The following NOP58 variants were observed in gnomAD, a reference collection of about 807,000 sequenced individuals.
NOP58 encodes the protein nucleolar protein 58.
Under a neutral mutation model 71.2 loss-of-function variants are expected in NOP58, and 44 were observed. The ratio of observed to expected loss-of-function variants is 0.62; its 90% confidence interval spans 0.49 to 0.79. NOP58 has a LOEUF of 0.79. Among genes scored for constraint, NOP58 ranks in the 30% least tolerant of loss-of-function variants. The pLI is 0.00. For synonymous variants in NOP58, 228 were observed against 200.3 expected (o/e 1.14, Z -1.17); for missense variants, 538 against 620.2 (o/e 0.87, Z 1.41).
intron 2 of NOP58, chr2:202,276,361 CACTGTTTTAGGCAACTAGAAG>C (rs1559260449): frequency 1.1e-5 from 3 of 282,604 alleles, no homozygotes; most frequent in Non-Finnish European, 2.3e-5. Context: ...AAAAAGATGA[CACTGTTTTAGGCAACTAGAAG>C]ACTAGTTTTC....
chr2:202,303,622 G>C lies in NOP58; in HGVS notation c.*186G>C. ...GTTAACCTTATGTCATCATTTCTTA[G>C]AGTCTTTGATATACAAATAAAATTT... On this transcript the variant is annotated 3_prime_UTR_variant, in exon 15 of 15. Coordinates refer to ENST00000264279, the MANE Select transcript of NOP58 (RefSeq NM_015934.5). 1 of 616,360 alleles carries C rather than the reference G, an allele frequency of 1.6e-6. No individual in the cohort carries two copies. Among genetic ancestry groups the C allele is most frequent in the Non-Finnish European group, 2.5e-6 (1 of 402,982 alleles). 38.2% of individuals were successfully genotyped at this position (616,360 alleles called of 1,614,324 possible). A position where few individuals can be genotyped will look rare whatever the true frequency, so the allele number is the denominator to read the frequency against.
chr2:202,287,617 C>T (rs779041337), intron 5 of NOP58, 43 bp from the exon 6 acceptor site: 4 of 1,476,648 alleles, frequency 2.7e-6, no homozygotes, highest in Admixed American at 1.7e-5. Context: ...AAATGCTTTT[C>T]CTAGATGCTA....
At chr2:202,302,444 T>G (rs1400833966) in intron 13 of NOP58, among the ~76,000 whole-genome samples, 1 of 152,200 alleles carries the variant, frequency 6.6e-6, no homozygotes, top group African/African-American at 2.4e-5. Flanking sequence ...TAATGTGTGC[T>G]AAGCATTATA....
chr2:202,275,212 A>C, intron 2 of NOP58, 23 bp downstream of exon 2: 1 of 1,260,400 alleles, frequency 7.9e-7, no homozygotes, highest in South Asian at 1.3e-5. Flanking sequence ...GAAATCAATA[A>C]TTTAGCAGTT....
In NOP58 at chr2:202,265,835, C is replaced by A; in HGVS notation, c.-107C>A. ...TTGCGGGACGGCGAGCGCATTTGTG[C>A]TTTGCCCGCCGCGGCCTAGGAGGCC... On this transcript the variant is annotated 5_prime_UTR_variant, in exon 1 of 15. Transcript: ENST00000264279. 1 of 1,276,108 alleles carries A rather than the reference C, an allele frequency of 7.8e-7. No homozygotes were observed. Among genetic ancestry groups the A allele is most frequent in the Non-Finnish European group, 1.1e-6 (1 of 884,860 alleles). 79.0% of individuals were successfully genotyped at this position (1,276,108 alleles called of 1,614,324 possible).
chr2:202,272,112 G>C (rs1008527691), intron 1 of NOP58, among the ~76,000 whole-genome samples: 3 of 151,220 alleles, frequency 2.0e-5, no homozygotes, highest in Non-Finnish European at 4.4e-5. Context: ...ACTTAGATGA[G>C]TGACAAGATG....
Position 202,265,820 on chromosome 2 carries a change from G to A in NOP58, c.-122G>A, listed in dbSNP as rs538401517. On this transcript the variant is annotated 5_prime_UTR_variant, in exon 1 of 15. Transcript: ENST00000264279. ...GCGTGTTCTGATTCTTTGCGGGACG[G>A]CGAGCGCATTTGTGCTTTGCCCGCC... The A allele has an allele frequency of 2.0e-5, 20 of 1,004,910 alleles. No homozygotes were observed. The South Asian group carries it at 2.3e-4, about 12-fold the overall frequency. The allele number at this position is 1,004,910 out of a possible 1,614,324, so 62.2% of individuals were successfully genotyped here.
intron 3 of NOP58, among the ~76,000 whole-genome samples, chr2:202,278,725 T>C (rs1688650564): frequency 1.3e-5 from 2 of 152,164 alleles, no homozygotes; most frequent in South Asian, 4.1e-4. Flanking sequence ...AGCCAACTAT[T>C]TGGCGGTGTA....
Position 202,294,091 on chromosome 2 carries a change from G to T in NOP58, c.907+1188G>T, listed in dbSNP as rs373080179. 2.2e-4 allele frequency among the ~76,000 whole-genome samples: 34 copies of T among 151,436 alleles called. No individual in the cohort carries two copies. The East Asian group carries it at 5.3e-3, about 24-fold the overall frequency. On this transcript the variant is annotated intron_variant, in intron 9 of 14. Coordinates refer to ENST00000264279, the MANE Select transcript of NOP58 (RefSeq NM_015934.5). Reference sequence around the variant, plus strand: ...GCACTTTGAGAAGCTGAGGTGGGTGGGTCACCTGAGGTCAGGAGTTCGAGA... The same window carrying T: ...GCACTTTGAGAAGCTGAGGTGGGTGTGTCACCTGAGGTCAGGAGTTCGAGA...
At chr2:202,279,049 A>T (rs906532671) in intron 3 of NOP58, among the ~76,000 whole-genome samples, 1 of 152,214 alleles carries the variant, frequency 6.6e-6, no homozygotes, top group Non-Finnish European at 1.5e-5. Context: ...GAGAATTTTT[A>T]AAAAGATAGC....
intron 4 of NOP58, among the ~76,000 whole-genome samples, chr2:202,283,217 A>ATTATT (rs1184707560): frequency 6.6e-6 from 1 of 152,136 alleles, no homozygotes; most frequent in South Asian, 2.1e-4. Flanking sequence ...ATGCTGGCTA[A>ATTATT]TTATTTTATT....
intron 12 of NOP58, 94 bp downstream of exon 12, chr2:202,298,000 C>T (rs771035736): frequency 2.7e-6 from 2 of 742,866 alleles, no homozygotes; most frequent in African/African-American, 1.8e-5. Context: ...TTGATGTGCC[C>T]ATAGTTTTTT....
intron 2 of NOP58, among the ~76,000 whole-genome samples, chr2:202,276,168 C>T (rs1658398444): frequency 6.6e-6 from 1 of 151,256 alleles, no homozygotes; most frequent in South Asian, 2.1e-4. Flanking sequence ...GTGAAACCCC[C>T]TCTCTCCTAA....
At chr2:202,274,303 C>G (rs1395330528) in intron 1 of NOP58, among the ~76,000 whole-genome samples, 1 of 152,012 alleles carries the variant, frequency 6.6e-6, no homozygotes, top group Non-Finnish European at 1.5e-5. Flanking sequence ...TCTCGGCTCA[C>G]TGCAACCTCT....
At chr2:202,296,852 G>C (rs575782388) in intron 10 of NOP58, among the ~76,000 whole-genome samples, 39 of 152,018 alleles carry the variant, frequency 2.6e-4, no homozygotes, top group Non-Finnish European at 5.1e-4. Context: ...TCCTGCCTCA[G>C]CCTCCAGTGT....
intron 1 of NOP58, among the ~76,000 whole-genome samples, chr2:202,270,772 A>C (rs959355636): frequency 6.6e-6 from 1 of 152,018 alleles, no homozygotes; most frequent in Non-Finnish European, 1.5e-5. Flanking sequence ...AAACCACACA[A>C]AGTCTCAAGC....
At chr2:202,298,638 A>G (rs1185485792) in intron 12 of NOP58, among the ~76,000 whole-genome samples, 1 of 152,220 alleles carries the variant, frequency 6.6e-6, no homozygotes, top group Non-Finnish European at 1.5e-5. Flanking sequence ...CGTCTCAAAA[A>G]AAGTTCATTC....
At chr2:202,281,480 A>C (rs1379285331) in intron 3 of NOP58, among the ~76,000 whole-genome samples, 3 of 152,102 alleles carry the variant, frequency 2.0e-5, no homozygotes, top group Non-Finnish European at 4.4e-5. Flanking sequence ...GTCTGTCACC[A>C]GGCTGCTGGA....
Position 202,290,474 on chromosome 2 carries a change from T to A in NOP58, c.634+17T>A. 6.3e-7 allele frequency: 1 copy of A among 1,595,414 alleles called. No individual in the cohort carries two copies. The highest frequency in any genetic ancestry group is 8.5e-7 in the Non-Finnish European group (1 of 1,169,966). On this transcript the variant is annotated intron_variant, in intron 7 of 14. Transcript: ENST00000264279. ...AGAAAGTTGGTGAGTAATTTGTTCA[T>A]CCTTTAAGGCATTGAAAGTAAATGA...
Sources: gnomAD v4.1 joint callset for allele counts (sites outside exome capture counted in the v4.1 genomes callset) on GRCh38, gnomAD v4.1.1 for gene constraint, MANE v1.5 for transcripts, NCBI Gene and HGNC (gene_info 2026-07-23, HGNC 2026-07-21) for gene names.